The following PRDM5 variants were observed in gnomAD, a reference collection of about 807,000 sequenced individuals.
The protein encoded by PRDM5 is PR/SET domain 5.
Under a neutral mutation model 81.2 loss-of-function variants are expected in PRDM5, and 56 were observed. The observed-to-expected ratio is 0.69, with a 90% CI of 0.56 to 0.86. PRDM5 has a LOEUF of 0.86. PRDM5 is among the 40% of genes least tolerant of loss of function. The pLI, the probability that PRDM5 is intolerant of heterozygous loss-of-function variation, is 0.00. For missense variants in PRDM5, 697 were observed against 770.1 expected (o/e 0.91, Z 1.12); for synonymous variants, 267 against 256.4 (o/e 1.04, Z -0.39).
At chr4:120,868,291 T>C (rs1761418632) in intron 2 of PRDM5, among the ~76,000 whole-genome samples, 1 of 152,206 alleles carries the variant, frequency 6.6e-6, no homozygotes, top group African/African-American at 2.4e-5. Flanking sequence ...TTATATAACA[T>C]TTTCTGCAGG....
intron 14 of PRDM5, among the ~76,000 whole-genome samples, chr4:120,721,698 T>C (rs1738632567): frequency 6.6e-6 from 1 of 152,222 alleles, no homozygotes; most frequent in African/African-American, 2.4e-5. Flanking sequence ...AACATTTGTT[T>C]AAAAACGTGA....
intron 14 of PRDM5, among the ~76,000 whole-genome samples, chr4:120,718,293 T>C (rs890671971): frequency 1.3e-5 from 2 of 152,214 alleles, no homozygotes; most frequent in South Asian, 4.1e-4. Context: ...AAGACAGTCT[T>C]TGTCTCTCTC....
downstream of PRDM5, among the ~76,000 whole-genome samples, chr4:120,687,006 A>C (rs868665284): frequency 1.4e-3 from 209 of 152,198 alleles, no homozygotes; most frequent in African/African-American, 4.9e-3. Context: ...CAGGAGATGA[A>C]GGTTAAATCT....
intron 14 of PRDM5, among the ~76,000 whole-genome samples, chr4:120,753,141 A>C (rs1454334200): frequency 1.3e-5 from 2 of 152,194 alleles, no homozygotes; most frequent in Non-Finnish European, 2.9e-5. Flanking sequence ...TATTAAGAGG[A>C]ACCAGGGCCC....
At chr4:120,716,498 T>C (rs1476263855) in intron 14 of PRDM5, among the ~76,000 whole-genome samples, 2 of 152,186 alleles carry the variant, frequency 1.3e-5, no homozygotes, top group Non-Finnish European at 2.9e-5. Flanking sequence ...CATACTTCTA[T>C]GTTAGTCTGG....
intron 8 of PRDM5, among the ~76,000 whole-genome samples, chr4:120,801,559 T>C (rs1561290917): frequency 1.3e-5 from 2 of 152,258 alleles, no homozygotes; most frequent in East Asian, 1.9e-4. Flanking sequence ...CCAAAATATG[T>C]CATTCCACAA....
At chr4:120,774,982 GTA>G (rs1471829043) in intron 13 of PRDM5, among the ~76,000 whole-genome samples, 1 of 148,418 alleles carries the variant, frequency 6.7e-6, no homozygotes, top group Non-Finnish European at 1.5e-5. Flanking sequence ...GTGTGTATAT[GTA>G]TATGTGTATA....
chr4:120,865,677 T>C lies in PRDM5; in HGVS notation c.178-12137A>G, dbSNP rs77197747. Among the ~76,000 whole-genome samples, 167 of 152,326 alleles carry C rather than the reference T, an allele frequency of 1.1e-3. 1 individual carries two copies. Among genetic ancestry groups the C allele is most frequent in the Middle Eastern group, 0.01 (3 of 294 alleles). On this transcript the variant is annotated intron_variant, in intron 2 of 15. Transcript: ENST00000264808. ...AACTGGCACTCCCTGGTCCTCAACATGTCCACAGTTCCACTCCTCTGAGAT... is the reference window on the plus strand; with the variant it reads ...AACTGGCACTCCCTGGTCCTCAACACGTCCACAGTTCCACTCCTCTGAGAT...
At chr4:120,807,766 C>T (rs778833868) in intron 8 of PRDM5, among the ~76,000 whole-genome samples, 5 of 152,134 alleles carry the variant, frequency 3.3e-5, no homozygotes, top group East Asian at 1.9e-4. Flanking sequence ...TTCATGGTCT[C>T]GCTGGCTTCA....
intron 14 of PRDM5, among the ~76,000 whole-genome samples, chr4:120,720,364 T>G (rs1480967755): frequency 1.3e-5 from 2 of 152,198 alleles, no homozygotes; most frequent in African/African-American, 4.8e-5. Flanking sequence ...AGGAGTCAGG[T>G]AAGATTAGTA....
chr4:120,824,752 T>C (rs559424513), intron 3 of PRDM5, among the ~76,000 whole-genome samples: 2 of 152,180 alleles, frequency 1.3e-5, no homozygotes, highest in Admixed American at 1.3e-4. Context: ...ACAATATAAG[T>C]TGAAAAAAAG....
intron 2 of PRDM5, among the ~76,000 whole-genome samples, chr4:120,899,854 T>G (rs1765050103): frequency 6.6e-6 from 1 of 152,134 alleles, no homozygotes; most frequent in Admixed American, 6.5e-5. Context: ...AGACTGGAGT[T>G]CCCATGACAC....
chr4:120,769,028 C>T (rs12506109), intron 13 of PRDM5, among the ~76,000 whole-genome samples: 6,905 of 152,112 alleles, frequency 0.045, 310 homozygotes, highest in Middle Eastern at 0.15. Context: ...CAGCACTTCT[C>T]AAAGTGAATG....
chr4:120,788,035 T>C (rs1561234846), intron 10 of PRDM5, among the ~76,000 whole-genome samples: 1 of 152,192 alleles, frequency 6.6e-6, no homozygotes, highest in Non-Finnish European at 1.5e-5. Flanking sequence ...CAATCCCACA[T>C]ACTGTAATTG....
chr4:120,813,558 T>A (rs1754123397), intron 7 of PRDM5, among the ~76,000 whole-genome samples: 1 of 152,276 alleles, frequency 6.6e-6, no homozygotes, highest in Non-Finnish European at 1.5e-5. Flanking sequence ...AGATGCCTAT[T>A]CCATTTAATG....
At chr4:120,747,095 T>C (rs1274421542) in intron 14 of PRDM5, among the ~76,000 whole-genome samples, 85 of 149,072 alleles carry the variant, frequency 5.7e-4, no homozygotes, top group Non-Finnish European at 1.0e-3. Flanking sequence ...CATAGAATAC[T>C]ATGCAGCCAT....
At chr4:120,763,871 G>A (rs930182958) in intron 13 of PRDM5, among the ~76,000 whole-genome samples, 2 of 151,406 alleles carry the variant, frequency 1.3e-5, no homozygotes, top group African/African-American at 4.9e-5. Context: ...AGTATATAAC[G>A]TTGAGTAGCA....
At chr4:120,710,562 T>A in intron 14 of PRDM5, 149 bp from the exon 15 acceptor site, 1 of 719,566 alleles carries the variant, frequency 1.4e-6, no homozygotes, top group Non-Finnish European at 2.5e-6. Context: ...CCACCCAAAT[T>A]TCATCTTGAA....
chr4:120,752,656 A>G (rs1347730842), intron 14 of PRDM5, among the ~76,000 whole-genome samples: 1 of 152,208 alleles, frequency 6.6e-6, no homozygotes, highest in East Asian at 1.9e-4. Flanking sequence ...CAGAAAATAT[A>G]TGAGACAGTG....
Sources: gnomAD v4.1 joint callset for allele counts (sites outside exome capture counted in the v4.1 genomes callset) on GRCh38, gnomAD v4.1.1 for gene constraint, MANE v1.5 for transcripts, NCBI Gene and HGNC (gene_info 2026-07-23, HGNC 2026-07-21) for gene names.